Variants in PDLIM5 observed in about 807,000 individuals in gnomAD.
PDLIM5 encodes PDZ and LIM domain protein 5.
In PDLIM5, 34 loss-of-function variants were observed where a neutral mutation model predicts 64.2. The observed-to-expected ratio is 0.53, with a 90% CI of 0.40 to 0.71. The LOEUF (loss-of-function observed/expected upper bound fraction) is 0.71, where lower values mean the gene tolerates loss of function less well. Among genes scored for constraint, PDLIM5 ranks in the 30% least tolerant of loss-of-function variants. The probability of loss-of-function intolerance (pLI) is 0.00; values close to 1 mark genes in which losing one functional copy is unlikely to be tolerated. For missense variants in PDLIM5, 683 were observed against 733.6 expected (o/e 0.93, Z 0.80); for synonymous variants, 253 against 269.1 (o/e 0.94, Z 0.59).
intron 7 of PDLIM5, among the ~76,000 whole-genome samples, chr4:94,602,793 G>A (rs1307460609): frequency 6.6e-6 from 1 of 152,054 alleles, no homozygotes; most frequent in Non-Finnish European, 1.5e-5. Flanking sequence ...TTCCACTGAA[G>A]TTATTCTAAC....
chr4:94,521,437 C>A (rs1017481558), intron 2 of PDLIM5, among the ~76,000 whole-genome samples: 2 of 151,976 alleles, frequency 1.3e-5, no homozygotes, highest in East Asian at 1.9e-4. Context: ...TACATTGTTA[C>A]ATTTAGTAAT....
intron 3 of PDLIM5, among the ~76,000 whole-genome samples, chr4:94,543,300 T>A: frequency 6.6e-6 from 1 of 152,236 alleles, no homozygotes; most frequent in South Asian, 2.1e-4. Context: ...TTTTAATTAT[T>A]TCTAATTTTT....
chr4:94,480,736 A>G (rs1319737604), intron 2 of PDLIM5, among the ~76,000 whole-genome samples: 1 of 152,152 alleles, frequency 6.6e-6, no homozygotes, highest in African/African-American at 2.4e-5. Context: ...CAAAGCAGAG[A>G]GAGGAAGGGA....
chr4:94,635,951 G>A (rs965145198), intron 8 of PDLIM5, among the ~76,000 whole-genome samples: 1 of 152,348 alleles, frequency 6.6e-6, no homozygotes, highest in African/African-American at 2.4e-5. Flanking sequence ...ACAAATGGAG[G>A]TGTGAGAATT....
At chr4:94,655,215 A>T (rs1031684157) in intron 10 of PDLIM5, among the ~76,000 whole-genome samples, 1 of 152,020 alleles carries the variant, frequency 6.6e-6, no homozygotes, top group African/African-American at 2.4e-5. Flanking sequence ...TTTTTTGCAA[A>T]AAAAGGAGTA....
intron 1 of PDLIM5, among the ~76,000 whole-genome samples, chr4:94,453,747 C>CTCGT (rs1390461966): frequency 6.6e-6 from 1 of 152,122 alleles, no homozygotes; most frequent in African/African-American, 2.4e-5. Context: ...TTATGTGTGG[C>CTCGT]TCGTTATTAG....
chr4:94,615,984 C>G (rs945541320), intron 7 of PDLIM5, among the ~76,000 whole-genome samples: 3 of 152,136 alleles, frequency 2.0e-5, no homozygotes, highest in African/African-American at 7.2e-5. Context: ...AAGCTTGACA[C>G]TGAATTCCTC....
At chr4:94,488,416 A>G (rs774984) in intron 2 of PDLIM5, among the ~76,000 whole-genome samples, 60,985 of 151,896 alleles carry the variant, frequency 0.4, 15,264 homozygotes, top group South Asian at 0.72. Flanking sequence ...TTAACTTTTT[A>G]GTCACACTTT....
intron 2 of PDLIM5, among the ~76,000 whole-genome samples, chr4:94,475,041 A>C (rs1725203592): frequency 6.6e-6 from 1 of 152,184 alleles, no homozygotes; most frequent in Admixed American, 6.5e-5. Context: ...TCCTTTTAAG[A>C]CAAGTTTTAT....
chr4:94,607,560 C>T (rs1363852596), intron 7 of PDLIM5, among the ~76,000 whole-genome samples: 2 of 152,196 alleles, frequency 1.3e-5, no homozygotes, highest in Non-Finnish European at 2.9e-5. Flanking sequence ...AACTTCAGAT[C>T]TACAGACAGA....
chr4:94,480,533 T>C (rs1725754409), intron 2 of PDLIM5, among the ~76,000 whole-genome samples: 1 of 152,144 alleles, frequency 6.6e-6, no homozygotes, highest in Non-Finnish European at 1.5e-5. Flanking sequence ...AGAGCCCAAC[T>C]GTGGGTCTGT....
intron 2 of PDLIM5, among the ~76,000 whole-genome samples, chr4:94,508,913 T>C (rs2510795): frequency 0.21 from 31,961 of 152,150 alleles, 3,667 homozygotes; most frequent in East Asian, 0.26. Flanking sequence ...CTGCCATTCC[T>C]TGGAAATGGT....
At chr4:94,598,068 A>C (rs1737205379) in intron 7 of PDLIM5, among the ~76,000 whole-genome samples, 2 of 152,162 alleles carry the variant, frequency 1.3e-5, no homozygotes. Context: ...AAATGCATAA[A>C]AGGTTGAAGT....
rs150914060 is a variant in PDLIM5, at chr4:94,666,826, T to A, written c.*2759T>A. ...TTCCTAAGGTATCATGTTGTCTTTG[T>A]GCTTTGTCCATCTCTTCCGTGGCGA... On this transcript the variant is annotated 3_prime_UTR_variant, in exon 13 of 13. Transcript: ENST00000317968. The A allele has an allele frequency of 1.6e-4, 24 of 152,334 alleles. No individual in the cohort carries two copies. In the East Asian group the frequency reaches 4.6e-3, roughly 29 times the overall value. 9.4% of individuals were successfully genotyped at this position (152,334 alleles called of 1,614,324 possible).
intron 2 of PDLIM5, among the ~76,000 whole-genome samples, chr4:94,485,957 G>A (rs568133145): frequency 2.6e-5 from 4 of 151,956 alleles, no homozygotes; most frequent in African/African-American, 7.3e-5. Flanking sequence ...AGTCAATTAC[G>A]AATTGGGACT....
At chr4:94,517,070 G>A (rs1157716884) in intron 2 of PDLIM5, among the ~76,000 whole-genome samples, 1 of 152,096 alleles carries the variant, frequency 6.6e-6, no homozygotes, top group Admixed American at 6.5e-5. Context: ...TATATGCGGG[G>A]GGGACATCAC....
chr4:94,645,682 T>C (rs1182573064), intron 9 of PDLIM5, among the ~76,000 whole-genome samples: 1 of 152,172 alleles, frequency 6.6e-6, no homozygotes, highest in African/African-American at 2.4e-5. Context: ...AAGAGAACTA[T>C]ACCCCAAAAT....
intron 2 of PDLIM5, 92 bp downstream of exon 2, chr4:94,455,476 C>T (rs1723252875): frequency 1.2e-6 from 1 of 825,836 alleles, no homozygotes; most frequent in South Asian, 1.4e-5. Context: ...CTGTACTCTA[C>T]TTATTATCAT....
intron 2 of PDLIM5, among the ~76,000 whole-genome samples, chr4:94,517,267 G>A (rs1180854294): frequency 2.6e-5 from 4 of 152,140 alleles, no homozygotes; most frequent in Non-Finnish European, 4.4e-5. Flanking sequence ...TAGGTGTTTT[G>A]CAAGGGGGTG....
Sources: gnomAD v4.1 joint callset for allele counts (sites outside exome capture counted in the v4.1 genomes callset) on GRCh38, gnomAD v4.1.1 for gene constraint, MANE v1.5 for transcripts, NCBI Gene and HGNC (gene_info 2026-07-23, HGNC 2026-07-21) for gene names.